The following UBR3 variants were observed in gnomAD, a reference collection of about 807,000 sequenced individuals.
The protein encoded by UBR3 is ubiquitin protein ligase E3 component n-recognin 3, also known as E3 ubiquitin-protein ligase UBR3.
In UBR3, 85 loss-of-function variants were observed where a neutral mutation model predicts 243.2. The ratio of observed to expected loss-of-function variants is 0.35; its 90% CI spans 0.29 to 0.42. UBR3 has a LOEUF of 0.42. Ranked by LOEUF, UBR3 falls within the 10% of genes least tolerant of loss-of-function variation. The pLI is 1.00. For missense variants in UBR3, 1,686 were observed against 2,300.8 expected (o/e 0.73, Z 5.47); for synonymous variants, 748 against 799.8 (o/e 0.94, Z 1.09).
At chr2:170,071,681 A>G (rs2091700902) in intron 35 of UBR3, among the ~76,000 whole-genome samples, 1 of 152,178 alleles carries the variant, frequency 6.6e-6, no homozygotes, top group African/African-American at 2.4e-5. Context: ...AAATTTCTAG[A>G]TATTTGAAAA....
chr2:170,048,147 G>A (rs1316739949), intron 32 of UBR3, among the ~76,000 whole-genome samples: 1 of 152,254 alleles, frequency 6.6e-6, no homozygotes, highest in African/African-American at 2.4e-5. Flanking sequence ...AGGTGTGAAC[G>A]ATATTCTTTA....
intron 26 of UBR3, among the ~76,000 whole-genome samples, chr2:170,000,405 T>C (rs2089654750): frequency 6.6e-6 from 1 of 152,190 alleles, no homozygotes; most frequent in Admixed American, 6.5e-5. Context: ...TTGAATATTA[T>C]GTACTGGAAA....
chr2:169,863,528 G>A (rs2083157672), intron 1 of UBR3, among the ~76,000 whole-genome samples: 1 of 152,062 alleles, frequency 6.6e-6, no homozygotes, highest in African/African-American at 2.4e-5. Context: ...AAATCTATTG[G>A]GTTCCTTGAA....
At chr2:169,855,054 C>T (rs1418132143) in intron 1 of UBR3, among the ~76,000 whole-genome samples, 1 of 152,046 alleles carries the variant, frequency 6.6e-6, no homozygotes, top group African/African-American at 2.4e-5. Context: ...ATGGGAATTG[C>T]AGAATTTTTG....
chr2:169,893,408 T>C (rs1185039680), intron 6 of UBR3, among the ~76,000 whole-genome samples: 2 of 152,220 alleles, frequency 1.3e-5, no homozygotes, highest in Admixed American at 6.5e-5. Flanking sequence ...ATTCTATGAT[T>C]AATAGTACTA....
chr2:169,916,177 A>G (rs946313811), intron 11 of UBR3, among the ~76,000 whole-genome samples: 7 of 152,112 alleles, frequency 4.6e-5, no homozygotes, highest in African/African-American at 1.7e-4. Context: ...ACATATTTGC[A>G]TCTATATTTT....
chr2:169,887,550 A>G (rs2084150258), intron 5 of UBR3, among the ~76,000 whole-genome samples: 1 of 152,222 alleles, frequency 6.6e-6, no homozygotes, highest in South Asian at 2.1e-4. Flanking sequence ...TATAGAACTT[A>G]TAACTGATAA....
rs577471266 is a variant in UBR3 at position 170,081,706 on chromosome 2, T to G, written c.5550-20T>G. The G allele has an allele frequency of 3.2e-6, 5 of 1,540,332 alleles. No individual in the cohort carries two copies. In the Admixed American group the frequency reaches 6.0e-5, roughly 18 times the overall value. ...TCTTCCGTGTATGATATTAATACTT[T>G]TTTTTTCTTTTTGTTCTAGGCGAGG... On this transcript the variant is annotated intron_variant, in intron 38 of 38. Coordinates refer to ENST00000272793, the MANE Select transcript of UBR3 (RefSeq NM_172070.4).
intron 8 of UBR3, among the ~76,000 whole-genome samples, chr2:169,900,644 C>T (rs2084784517): frequency 6.6e-6 from 1 of 151,934 alleles, no homozygotes; most frequent in South Asian, 2.1e-4. Flanking sequence ...TCTGGAGTCT[C>T]TTTTCTTCAC....
At chr2:170,061,247 C>T (rs2091450933) in intron 34 of UBR3, 61 bp downstream of exon 34, 2 of 1,580,734 alleles carry the variant, frequency 1.3e-6, no homozygotes, top group African/African-American at 1.4e-5. Context: ...ATTTTCTTGC[C>T]ATTATGAATG....
chr2:170,045,242 G>A (rs911126962), intron 32 of UBR3, among the ~76,000 whole-genome samples: 5 of 152,166 alleles, frequency 3.3e-5, no homozygotes, highest in Non-Finnish European at 7.3e-5. Flanking sequence ...TAGATCTCAT[G>A]AGACTTATTC....
At chr2:169,939,775 G>T (rs2086508382) in intron 19 of UBR3, among the ~76,000 whole-genome samples, 1 of 151,130 alleles carries the variant, frequency 6.6e-6, no homozygotes, top group African/African-American at 2.4e-5. Context: ...TGTTGCCCAG[G>T]CTGGTCTTGA....
chr2:169,987,109 C>T (rs547092548), intron 25 of UBR3, among the ~76,000 whole-genome samples: 2 of 152,078 alleles, frequency 1.3e-5, no homozygotes, highest in Non-Finnish European at 2.9e-5. Flanking sequence ...ATTGTTCTGG[C>T]CGGGTGTGGT....
At chr2:169,845,178 T>C (rs1362631781) in intron 1 of UBR3, among the ~76,000 whole-genome samples, 1 of 152,112 alleles carries the variant, frequency 6.6e-6, no homozygotes, top group Non-Finnish European at 1.5e-5. Context: ...ATCCCAGCAC[T>C]CTGGGAGGGT....
At chr2:169,931,939 T>C (rs1219810356) in intron 18 of UBR3, among the ~76,000 whole-genome samples, 1 of 152,188 alleles carries the variant, frequency 6.6e-6, no homozygotes, top group East Asian at 1.9e-4. Flanking sequence ...GTTGTACACA[T>C]TCCACACACA....
chr2:169,937,200 T>A (rs984780416), intron 19 of UBR3, among the ~76,000 whole-genome samples: 2 of 152,252 alleles, frequency 1.3e-5, no homozygotes, highest in South Asian at 2.1e-4. Flanking sequence ...ATCGCCATTC[T>A]AACTGGTGTG....
rs1352722504 is a variant in UBR3, at chr2:169,827,655, G to A, written c.148G>A (p.Glu50Lys). The change falls in exon 1 of 39, where the codon GAG becomes AAG. Residue 50 changes from glutamate to lysine, a missense_variant. By Grantham distance (56) the Glu-to-Lys change is moderately conservative. Around this residue, in one of 8 missense-constraint regions of UBR3, gnomAD observed 79 missense variants for 73.2 expected, o/e 1.08. Coordinates refer to ENST00000272793, the MANE Select transcript of UBR3 (RefSeq NM_172070.4). ...SRPDNRAGAE[E>K]LQALLERVLS... ...GCCGGACAACCGCGCAGGTGCTGAG[G>A]AGCTGCAGGCGCTGCTGGAGCGGGT... 15 of 1,245,300 alleles carry A rather than the reference G, an allele frequency of 1.2e-5. No individual in the cohort carries two copies. The Admixed American group carries it at 4.8e-4, about 40-fold the overall frequency. The allele number at this position is 1,245,300 out of a possible 1,614,324, so 77.1% of individuals were successfully genotyped here. A position where few individuals can be genotyped will look rare whatever the true frequency, so the allele number is the denominator to read the frequency against.
intron 1 of UBR3, among the ~76,000 whole-genome samples, chr2:169,862,856 A>G (rs2083137596): frequency 6.6e-6 from 1 of 152,146 alleles, no homozygotes; most frequent in Non-Finnish European, 1.5e-5. Context: ...GGCACAGATT[A>G]TATCATCAGG....
intron 35 of UBR3, among the ~76,000 whole-genome samples, chr2:170,063,529 G>C (rs372707146): frequency 7.7e-4 from 117 of 151,976 alleles, no homozygotes; most frequent in African/African-American, 2.7e-3. Flanking sequence ...TGTTACCCAT[G>C]GTATACTGCA....
Sources: allele counts gnomAD v4.1 joint callset (sites outside exome capture counted in the v4.1 genomes callset), GRCh38; gene constraint gnomAD v4.1.1; regional missense constraint gnomAD v4.1.1; transcripts MANE v1.5; gene names NCBI Gene and HGNC (gene_info 2026-07-23, HGNC 2026-07-21).